Variants in MAD1L1 observed in about 807,000 individuals in gnomAD.
MAD1L1 encodes mitotic spindle assembly checkpoint protein MAD1.
Under a neutral mutation model 96.9 loss-of-function variants are expected in MAD1L1, and 95 were observed. That is an observed-to-expected ratio of 0.98 (90% CI 0.83 to 1.16). The LOEUF is 1.16. MAD1L1 is among the 50% of genes most tolerant of loss of function. MAD1L1 has a pLI of 0.00. For synonymous variants in MAD1L1, 473 were observed against 396.6 expected, an observed-to-expected ratio of 1.19 and a Z score of -2.29; for missense variants, 1,007 against 954.4, an observed-to-expected ratio of 1.06 and a Z score of -0.73.
chr7:1,994,293 G>A (rs1165203365), intron 14 of MAD1L1, among the ~76,000 whole-genome samples: 1 of 152,220 alleles, frequency 6.6e-6, no homozygotes, highest in East Asian at 1.9e-4. Context: ...AGGCAGGGAG[G>A]GAAGAGCGTG....
In MAD1L1 at chr7:2,222,812, G is replaced by T. The variant is rs1793681619; in HGVS notation, c.292-58C>A. 3.6e-6 allele frequency: 5 copies of T among 1,385,344 alleles called. No individual in the cohort carries two copies. In the Admixed American group the frequency reaches 8.1e-5, roughly 22 times the overall value. 85.8% of individuals were successfully genotyped at this position (1,385,344 alleles called of 1,614,324 possible). The stretch of plus-strand genomic sequence containing the variant: ...CCGCCCACGGGAGGGTCAGCGGGGA[G>T]CCCTCACCCCCACACCTCTCTCAGA... On this transcript the variant is annotated intron_variant, in intron 4 of 18. Transcript: ENST00000265854.
chr7:2,196,701 G>T (rs1792003843), intron 10 of MAD1L1, among the ~76,000 whole-genome samples: 1 of 152,224 alleles, frequency 6.6e-6, no homozygotes, highest in Non-Finnish European at 1.5e-5. Flanking sequence ...GCATTCACCT[G>T]AAGAGGAAAC....
chr7:2,012,034 G>A (rs895663053), intron 13 of MAD1L1, among the ~76,000 whole-genome samples: 2 of 152,158 alleles, frequency 1.3e-5, no homozygotes, highest in African/African-American at 4.8e-5. Context: ...TAATTCTCCT[G>A]AAACCCCAGG....
At chr7:2,056,394 CCTCTG>C (rs60120786) in intron 12 of MAD1L1, among the ~76,000 whole-genome samples, 3,551 of 151,606 alleles carry the variant, frequency 0.023, 42 homozygotes, top group Non-Finnish European at 0.035. Context: ...GGATGGAGGC[CCTCTG>C]CTCTGCTCTG....
At chr7:1,852,298 A>T (rs1380177733) in intron 18 of MAD1L1, among the ~76,000 whole-genome samples, 6 of 152,222 alleles carry the variant, frequency 3.9e-5, no homozygotes, top group Admixed American at 3.9e-4. Flanking sequence ...CCTGCAGCGT[A>T]GCACTAGGCT....
chr7:1,978,899 T>C (rs1267587232), intron 15 of MAD1L1, among the ~76,000 whole-genome samples: 1 of 152,164 alleles, frequency 6.6e-6, no homozygotes, highest in Non-Finnish European at 1.5e-5. Context: ...TGAGCAGATG[T>C]AAATGAAACC....
intron 12 of MAD1L1, among the ~76,000 whole-genome samples, chr7:2,051,891 T>A (rs1477711744): frequency 2.0e-5 from 3 of 151,878 alleles, no homozygotes; most frequent in African/African-American, 7.3e-5. Flanking sequence ...CGTGTCAGGC[T>A]ATACCACATG....
intron 14 of MAD1L1, among the ~76,000 whole-genome samples, chr7:2,000,242 C>T (rs1781731451): frequency 6.6e-6 from 1 of 152,104 alleles, no homozygotes; most frequent in Non-Finnish European, 1.5e-5. Flanking sequence ...TCACCTGCAT[C>T]TCCCTTCAAC....
Position 2,038,669 on chromosome 7 carries a change from C to T in MAD1L1, c.1219-24027G>A, listed in dbSNP as rs765013050. The stretch of plus-strand genomic sequence containing the variant: ...CCGGGATTACAAGTGTGTGCCACCA[C>T]GCCTCACTAATTTTTTGTATTTTTA... On this transcript the variant is annotated intron_variant, in intron 12 of 18. Transcript: ENST00000265854. Among the ~76,000 whole-genome samples, 3 of 151,820 alleles carry T rather than the reference C, an allele frequency of 2.0e-5. No individual in the cohort carries two copies. The East Asian group carries it at 5.8e-4, about 29-fold the overall frequency.
intron 17 of MAD1L1, among the ~76,000 whole-genome samples, chr7:1,916,260 C>T (rs1386540466): frequency 6.6e-6 from 1 of 152,198 alleles, no homozygotes. Context: ...AATTCCCCTC[C>T]CGTCTGGAGG....
At chr7:2,202,036 C>G (rs566984548) in intron 10 of MAD1L1, 5 of 152,454 alleles carry the variant, frequency 3.3e-5, no homozygotes, top group African/African-American at 9.6e-5. Flanking sequence ...AGTGCAGGAC[C>G]CCAGGGGGGC....
intron 18 of MAD1L1, among the ~76,000 whole-genome samples, chr7:1,817,735 C>A: frequency 6.6e-6 from 1 of 152,118 alleles, no homozygotes; most frequent in East Asian, 1.9e-4. Context: ...GCTCAGGAAA[C>A]CGTTTTGGAA....
At chr7:2,227,772 G>A (rs1479997213) in intron 3 of MAD1L1, among the ~76,000 whole-genome samples, 1 of 152,184 alleles carries the variant, frequency 6.6e-6, no homozygotes, top group African/African-American at 2.4e-5. Flanking sequence ...TTCTGTGTCT[G>A]CAGTCAAGCC....
chr7:2,220,711 T>A (rs535075914), intron 5 of MAD1L1, among the ~76,000 whole-genome samples: 62 of 152,354 alleles, frequency 4.1e-4, no homozygotes, highest in African/African-American at 1.3e-3. Flanking sequence ...CACGCCGCTC[T>A]GGGAAGGCCC....
At chr7:2,031,743 G>A (rs1383231335) in intron 12 of MAD1L1, among the ~76,000 whole-genome samples, 1 of 152,258 alleles carries the variant, frequency 6.6e-6, no homozygotes, top group Non-Finnish European at 1.5e-5. Context: ...TCGCCAGCAT[G>A]CCTGACCCAC....
chr7:1,837,314 G>C (rs1329566733), intron 18 of MAD1L1, among the ~76,000 whole-genome samples: 1 of 152,212 alleles, frequency 6.6e-6, no homozygotes, highest in Non-Finnish European at 1.5e-5. Context: ...TCAAGTACTG[G>C]TGACCGTGTG....
intron 11 of MAD1L1, among the ~76,000 whole-genome samples, chr7:2,147,745 C>T (rs369179853): frequency 6.6e-6 from 1 of 152,356 alleles, no homozygotes; most frequent in South Asian, 2.1e-4. Flanking sequence ...GAGACAGAGA[C>T]CCCATTCCCA....
chr7:2,190,180 G>T (rs924355571), intron 10 of MAD1L1, among the ~76,000 whole-genome samples: 34 of 152,270 alleles, frequency 2.2e-4, no homozygotes, highest in African/African-American at 8.2e-4. Context: ...CAGTAATTAC[G>T]ACCTTACCAT....
intron 16 of MAD1L1, among the ~76,000 whole-genome samples, chr7:1,955,656 G>GAC (rs947970365): frequency 5.3e-5 from 8 of 152,156 alleles, no homozygotes; most frequent in African/African-American, 1.9e-4. Flanking sequence ...CCAGCACGGT[G>GAC]ACAACAAGCC....
Sources: allele counts gnomAD v4.1 joint callset (sites outside exome capture counted in the v4.1 genomes callset), GRCh38; gene constraint gnomAD v4.1.1; transcripts MANE v1.5; gene names NCBI Gene and HGNC (gene_info 2026-07-23, HGNC 2026-07-21).